The following CWC22 variants were observed in gnomAD, a reference collection of about 807,000 sequenced individuals.
CWC22 encodes the protein CWC22 spliceosome associated protein.
Under a neutral mutation model 117.2 loss-of-function variants are expected in CWC22, and 53 were observed. The ratio of observed to expected loss-of-function variants is 0.45; its 90% CI spans 0.36 to 0.57. CWC22 has a LOEUF of 0.57. CWC22 is among the 20% of genes least tolerant of loss of function. The pLI is 0.00. For synonymous variants in CWC22, 360 were observed against 355.6 expected, an observed-to-expected ratio of 1.01 and a Z score of -0.14; for missense variants, 980 against 1,068.8, an observed-to-expected ratio of 0.92 and a Z score of 1.16.
chr2:179,975,439 G>T (rs13415330), intron 6 of CWC22, among the ~76,000 whole-genome samples: 2 of 151,948 alleles, frequency 1.3e-5, no homozygotes, highest in African/African-American at 4.8e-5. Flanking sequence ...GTCCTAGCCA[G>T]AGCCATTAGG....
rs376887188 is a variant in CWC22 at position 179,970,844 on chromosome 2, C to G, written c.953G>C (p.Arg318Pro). 6.2e-7 allele frequency: 1 copy of G among 1,613,000 alleles called. No individual in the cohort carries two copies. ...AGACTCATGCAGAATGTTTCGAAGG[C>G]GTTCAAATATAGCTAAAAGTTAACA... ...SPRGINAIFE[R>P]LRNILHESEI... is the part of the protein sequence containing the mutation. Residue 318 changes from arginine (R) to proline (P), a missense_variant, in exon 10 of 20, where the codon CGC (arginine) becomes CCC (proline). Arg to Pro is a moderately radical substitution (Grantham distance 103). Around this residue, in one of 3 missense-constraint regions of CWC22, gnomAD observed 559 missense variants for 602.3 expected, o/e 0.93. Coordinates refer to ENST00000410053, the MANE Select transcript of CWC22 (RefSeq NM_020943.3).
intron 5 of CWC22, among the ~76,000 whole-genome samples, chr2:179,979,759 A>T (rs529176712): frequency 6.6e-6 from 1 of 152,330 alleles, no homozygotes; most frequent in Non-Finnish European, 1.5e-5. Flanking sequence ...ACCTTTTGGT[A>T]TTCCACTATC....
In CWC22 at chr2:179,985,212, A is replaced by C. The variant is rs1687388379; in HGVS notation, c.206+1483T>G. Among the ~76,000 whole-genome samples the C allele has an allele frequency of 2.6e-5, 4 of 152,062 alleles. No individual in the cohort carries two copies. In the South Asian group the frequency reaches 8.3e-4, roughly 31 times the overall value. On this transcript the variant is annotated intron_variant, in intron 4 of 19. Coordinates refer to ENST00000410053, the MANE Select transcript of CWC22 (RefSeq NM_020943.3). The stretch of plus-strand genomic sequence containing the variant: ...AACACCACCTCATTAAAAAGTGTAA[A>C]ATATAGACATCCCAAAGTCAATTTC...
Position 179,947,243 on chromosome 2 carries a change from G to A in CWC22, c.2141-1528C>T, listed in dbSNP as rs187464756. On this transcript the variant is annotated intron_variant, in intron 19 of 19. Transcript: ENST00000410053. ...CTTTGGCACATGGTACAGTCAGTTG[G>A]TTTGCCACTAAGGACCTATTTCTCT... Among the ~76,000 whole-genome samples, 14 of 152,192 alleles carry A rather than the reference G, an allele frequency of 9.2e-5. No homozygotes were observed. In the East Asian group the frequency reaches 2.5e-3, roughly 27 times the overall value.
rs1358161422 is a variant in CWC22 at position 179,973,671 on chromosome 2, A to G, written c.713T>C (p.Ile238Thr). Residue 238 changes from isoleucine (I) to threonine (T), a missense_variant, in exon 7 of 20, where the codon ATT becomes ACT. Physicochemically the swap from Ile to Thr is moderately conservative, Grantham distance 89. Around this residue, in one of 3 missense-constraint regions of CWC22, gnomAD observed 559 missense variants for 602.3 expected, o/e 0.93. Transcript: ENST00000410053. ...TCGATAGCCTTTTCGAAAATTAAGA[A>G]TTAACCTTTTGAGGATTAATTCTCC... ...QIGELILKRL[I>T]LNFRKGYRRN... is the part of the protein sequence containing the mutation. 1 of 1,610,478 alleles carries G rather than the reference A, an allele frequency of 6.2e-7. No homozygotes were observed. The highest frequency in any genetic ancestry group is 1.7e-4 in the Middle Eastern group (1 of 6,034).
chr2:179,961,211 G>C (rs1686739720), intron 13 of CWC22, among the ~76,000 whole-genome samples: 2 of 151,968 alleles, frequency 1.3e-5, no homozygotes, highest in African/African-American at 4.8e-5. Flanking sequence ...AAGAGAATTA[G>C]CAAACTCAAT....
intron 8 of CWC22, 121 bp from the exon 9 acceptor site, chr2:179,971,197 A>AG: frequency 1.6e-6 from 1 of 607,904 alleles, no homozygotes; most frequent in Non-Finnish European, 2.6e-6. Flanking sequence ...TATGATGGGC[A>AG]AAGTTTTATA....
intron 1 of CWC22, among the ~76,000 whole-genome samples, chr2:179,999,123 T>A (rs772915863): frequency 6.6e-6 from 1 of 152,172 alleles, no homozygotes; most frequent in Non-Finnish European, 1.5e-5. Context: ...TAGACTGCTA[T>A]CATAGTTCTA....
At chr2:179,962,070 C>A (rs1686766439) in intron 13 of CWC22, among the ~76,000 whole-genome samples, 1 of 151,868 alleles carries the variant, frequency 6.6e-6, no homozygotes, top group South Asian at 2.1e-4. Context: ...GTTACAACTT[C>A]AATAAAATAA....
chr2:179,995,951 C>G (rs1687687772), intron 1 of CWC22, among the ~76,000 whole-genome samples: 1 of 152,096 alleles, frequency 6.6e-6, no homozygotes, highest in Admixed American at 6.5e-5. Context: ...GGAGGGGAAC[C>G]CCATATGCTG....
chr2:179,969,721 C>T (rs72960671), intron 11 of CWC22, among the ~76,000 whole-genome samples: 10,363 of 152,098 alleles, frequency 0.068, 469 homozygotes, highest in East Asian at 0.26. Flanking sequence ...TTTATTGCTT[C>T]CACAGCAATA....
chr2:179,945,611 G>A lies in CWC22; in HGVS notation c.2245C>T (p.Gln749Ter). ...TNDRKQKERR[Q>*]EHGHQETRTE... The stretch of plus-strand genomic sequence containing the variant: ...CTTGTTTCCTGGTGCCCGTGTTCTT[G>A]TCTTCTTTCTTTTTGTTTCCTATCA... Residue 749 changes from glutamine to a stop codon, truncating the protein, a stop_gained, in exon 20 of 20, where the codon CAA becomes TAA. Transcript: ENST00000410053. LOFTEE classifies it high-confidence loss of function. 1.9e-6 allele frequency: 3 copies of A among 1,613,000 alleles called. No homozygotes were observed. The highest frequency in any genetic ancestry group is 2.5e-6 in the Non-Finnish European group (3 of 1,179,466).
chr2:179,978,641 A>C (rs1489701710), intron 5 of CWC22, among the ~76,000 whole-genome samples: 1 of 152,158 alleles, frequency 6.6e-6, no homozygotes. Flanking sequence ...CTTATTTTAC[A>C]TATAATGCTT....
At chr2:179,958,164 C>G (rs887915579) in intron 14 of CWC22, among the ~76,000 whole-genome samples, 1 of 151,798 alleles carries the variant, frequency 6.6e-6, no homozygotes, top group Non-Finnish European at 1.5e-5. Flanking sequence ...AACACCATCG[C>G]TATTAAAAAC....
chr2:179,957,402 G>C (rs1382494969), intron 14 of CWC22, among the ~76,000 whole-genome samples: 1 of 151,776 alleles, frequency 6.6e-6, no homozygotes, highest in East Asian at 1.9e-4. Flanking sequence ...TTCTGTAAAG[G>C]GCCAGATAAT....
intron 6 of CWC22, among the ~76,000 whole-genome samples, chr2:179,974,765 G>A: frequency 6.6e-6 from 1 of 151,980 alleles, no homozygotes; most frequent in Non-Finnish European, 1.5e-5. Flanking sequence ...TGGAGAGGTT[G>A]GGGAGAGACA....
chr2:179,950,451 T>C, intron 19 of CWC22, 61 bp downstream of exon 19: 3 of 999,174 alleles, frequency 3.0e-6, no homozygotes, highest in South Asian at 1.5e-5. Context: ...TCTTCCTTCA[T>C]ATATATCAGC....
chr2:180,002,382 T>C (rs556998598), intron 1 of CWC22, among the ~76,000 whole-genome samples: 1 of 152,306 alleles, frequency 6.6e-6, no homozygotes, highest in East Asian at 1.9e-4. Context: ...TTGATATTTA[T>C]ATTCAGTGGC....
intron 1 of CWC22, among the ~76,000 whole-genome samples, chr2:179,995,698 A>G (rs1490625215): frequency 6.6e-6 from 1 of 152,242 alleles, no homozygotes; most frequent in Non-Finnish European, 1.5e-5. Flanking sequence ...AAGGCACTGG[A>G]GAATGAACAA....
Sources: gnomAD v4.1 joint callset for allele counts (sites outside exome capture counted in the v4.1 genomes callset) on GRCh38, gnomAD v4.1.1 for gene constraint, gnomAD v4.1.1 regional missense constraint, MANE v1.5 for transcripts, NCBI Gene and HGNC (gene_info 2026-07-23, HGNC 2026-07-21) for gene names.